MAGI2: variants seen among roughly 807,000 people sequenced by gnomAD.
The protein encoded by MAGI2 is membrane associated guanylate kinase, WW and PDZ domain containing 2, also known as membrane-associated guanylate kinase, WW and PDZ domain-containing protein 2.
A neutral mutation model predicts 133.3 loss-of-function variants in MAGI2; 35 were observed. The ratio of observed to expected loss-of-function variants is 0.26; its 90% CI spans 0.20 to 0.35. The LOEUF is 0.35. Ranked by LOEUF, MAGI2 falls within the 10% of genes least tolerant of loss-of-function variation. The pLI is 1.00. For synonymous variants in MAGI2, 729 were observed against 710.6 expected (o/e 1.03, Z -0.41); for missense variants, 1,636 against 1,863.4 (o/e 0.88, Z 2.25).
At chr7:79,063,767 C>T (rs1274403342) in intron 1 of MAGI2, among the ~76,000 whole-genome samples, 2 of 152,028 alleles carry the variant, frequency 1.3e-5, no homozygotes, top group Non-Finnish European at 1.5e-5. Flanking sequence ...AAAACGTTAA[C>T]ACAAACCAAG....
chr7:78,578,586 T>C (rs1228775179), intron 3 of MAGI2, among the ~76,000 whole-genome samples: 1 of 151,994 alleles, frequency 6.6e-6, no homozygotes, highest in East Asian at 1.9e-4. Context: ...TAAAGCTAAC[T>C]AGAATTATGG....
chr7:78,529,095 C>T (rs7778097), intron 3 of MAGI2, among the ~76,000 whole-genome samples: 40,033 of 151,932 alleles, frequency 0.26, 5,893 homozygotes, highest in African/African-American at 0.39. Context: ...TCTCCAATGA[C>T]ATACATTCTG....
intron 1 of MAGI2, among the ~76,000 whole-genome samples, chr7:79,309,926 T>C (rs1585519242): frequency 7.3e-6 from 1 of 136,106 alleles, no homozygotes; most frequent in Admixed American, 7.8e-5. Context: ...AGATCAGGAG[T>C]TCAAGACCAG....
chr7:78,566,544 A>AAC (rs546799485), intron 3 of MAGI2, among the ~76,000 whole-genome samples: 10 of 151,650 alleles, frequency 6.6e-5, no homozygotes, highest in Admixed American at 2.0e-4. Flanking sequence ...AAAAAAAAAA[A>AAC]AAAAAACAGA....
chr7:78,287,031 ATTATC>A (rs1796213775), intron 9 of MAGI2, among the ~76,000 whole-genome samples: 1 of 152,130 alleles, frequency 6.6e-6, no homozygotes. Flanking sequence ...AGGCTAAGGA[ATTATC>A]TTTGTTTGTT....
intron 1 of MAGI2, among the ~76,000 whole-genome samples, chr7:79,129,364 T>C (rs561119709): frequency 6.6e-6 from 1 of 152,368 alleles, no homozygotes; most frequent in Non-Finnish European, 1.5e-5. Context: ...AGTTGAATCC[T>C]CATAAATTGG....
chr7:79,364,527 G>A lies in MAGI2; in HGVS notation c.301+88493C>T, dbSNP rs557996686. Among the ~76,000 whole-genome samples the A allele has an allele frequency of 3.1e-3, 467 of 152,102 alleles. 1 individual carries two copies. The highest frequency in any genetic ancestry group is 4.8e-3 in the Non-Finnish European group (325 of 67,872). On this transcript the variant is annotated intron_variant, in intron 1 of 21. Coordinates refer to ENST00000354212, the MANE Select transcript of MAGI2 (RefSeq NM_012301.4). ...AAACAACATGAGAAGAATCACTTTA[G>A]TTAATATTAAAGCTTGCTACATAGC...
At chr7:79,401,242 G>C (rs1845449444) in intron 1 of MAGI2, among the ~76,000 whole-genome samples, 1 of 152,074 alleles carries the variant, frequency 6.6e-6, no homozygotes, top group South Asian at 2.1e-4. Context: ...TTTTCCATTT[G>C]AGCATAGGCC....
At chr7:78,508,331 C>A (rs938826306) in intron 4 of MAGI2, among the ~76,000 whole-genome samples, 15 of 152,134 alleles carry the variant, frequency 9.9e-5, no homozygotes, top group African/African-American at 2.9e-4. Flanking sequence ...ACTGTGCAGT[C>A]CACTGAACCA....
Position 78,019,421 on chromosome 7 carries a change from C to T in MAGI2, c.4262G>A (p.Gly1421Asp), listed in dbSNP as rs1808066988. 4 of 1,093,922 alleles carry T rather than the reference C, an allele frequency of 3.7e-6. No homozygotes were observed. The South Asian group carries it at 1.3e-4, about 36-fold the overall frequency. 67.8% of individuals were successfully genotyped at this position (1,093,922 alleles called of 1,614,324 possible). A position where few individuals can be genotyped will look rare whatever the true frequency, so the allele number is the denominator to read the frequency against. ...GACGGCGGCCTTGCGCGCCGGGGCG[C>T]CCCCCGGGGGTCGCGGGCCCGGCCG... The part of the protein sequence containing the change: ...GPRPGPRPPG[G>D]APARKAAVAP... The change falls in exon 22 of 22, where the codon GGC (glycine) becomes GAC (aspartate). Residue 1421 changes from glycine to aspartate, a missense_variant. Physicochemically the swap from Gly to Asp is moderately conservative, Grantham distance 94 (BLOSUM62 -1). Coordinates refer to ENST00000354212, the MANE Select transcript of MAGI2 (RefSeq NM_012301.4).
intron 20 of MAGI2, among the ~76,000 whole-genome samples, chr7:78,087,937 A>G (rs1308218842): frequency 1.3e-5 from 2 of 152,386 alleles, no homozygotes; most frequent in Non-Finnish European, 2.9e-5. Context: ...TGCTCAGGTG[A>G]AAAGAAACTG....
intron 1 of MAGI2, among the ~76,000 whole-genome samples, chr7:79,124,582 C>A (rs1056785657): frequency 4.6e-5 from 7 of 152,154 alleles, no homozygotes; most frequent in African/African-American, 1.4e-4. Flanking sequence ...CAAAAGAAAG[C>A]AGAAACTAAC....
intron 21 of MAGI2, among the ~76,000 whole-genome samples, chr7:78,023,347 G>C (rs1047242998): frequency 1.3e-5 from 2 of 152,016 alleles, no homozygotes; most frequent in African/African-American, 4.8e-5. Context: ...CTGCCTCCCT[G>C]CCTGCCTACC....
intron 1 of MAGI2, among the ~76,000 whole-genome samples, chr7:79,357,694 C>T (rs1405019819): frequency 1.3e-5 from 2 of 152,116 alleles, no homozygotes; most frequent in Non-Finnish European, 1.5e-5. Context: ...TGACTTAAAA[C>T]AATCTTTAAG....
At chr7:79,093,775 C>T (rs1410573065) in intron 1 of MAGI2, among the ~76,000 whole-genome samples, 1 of 144,900 alleles carries the variant, frequency 6.9e-6, no homozygotes, top group Non-Finnish European at 1.5e-5. Context: ...AGTGCAATGG[C>T]ATGGTCTCAG....
chr7:79,066,311 A>G (rs987082542), intron 1 of MAGI2, among the ~76,000 whole-genome samples: 1 of 148,776 alleles, frequency 6.7e-6, no homozygotes, highest in Admixed American at 6.7e-5. Context: ...CATTTCTTTA[A>G]TGACCAGTGA....
chr7:78,664,747 T>C (rs1458452377), intron 2 of MAGI2, among the ~76,000 whole-genome samples: 1 of 151,868 alleles, frequency 6.6e-6, no homozygotes, highest in Non-Finnish European at 1.5e-5. Context: ...CAATTATTAA[T>C]ACGTGCCTAA....
intron 7 of MAGI2, chr7:78,359,180 G>C (rs1792502745): frequency 6.6e-6 from 1 of 152,212 alleles, no homozygotes. Context: ...AGTTACTTTG[G>C]TTTTAATATT....
At chr7:78,109,303 CAAAAAAAAAAAA>C (rs71085511) in intron 20 of MAGI2, among the ~76,000 whole-genome samples, 927 of 19,918 alleles carry the variant, frequency 0.047, 3 homozygotes, top group Middle Eastern at 0.12. Context: ...GACTCCGTCT[CAAAAAAAAAAAA>C]AAAAAAAAAA....
Sources: gnomAD v4.1 joint callset for allele counts (sites outside exome capture counted in the v4.1 genomes callset) on GRCh38, gnomAD v4.1.1 for gene constraint, MANE v1.5 for transcripts, NCBI Gene and HGNC (gene_info 2026-07-23, HGNC 2026-07-21) for gene names.